COL14A1: variants seen among roughly 807,000 people sequenced by gnomAD.
The protein encoded by COL14A1 is collagen type XIV alpha 1 chain.
Under a neutral mutation model 230.3 loss-of-function variants are expected in COL14A1, and 136 were observed. The ratio of observed to expected loss-of-function variants is 0.59; its 90% CI spans 0.51 to 0.68. The LOEUF is 0.68. COL14A1 is among the 30% of genes least tolerant of loss of function. The probability of loss-of-function intolerance (pLI) is 0.00; values close to 1 mark genes in which losing one functional copy is unlikely to be tolerated. For synonymous variants in COL14A1, 792 were observed against 784.1 expected, an observed-to-expected ratio of 1.01 and a Z score of -0.17; for missense variants, 1,976 against 2,215.8, an observed-to-expected ratio of 0.89 and a Z score of 2.17.
chr8:120,321,456 T>C (rs1021166180), intron 40 of COL14A1, among the ~76,000 whole-genome samples: 2 of 151,678 alleles, frequency 1.3e-5, no homozygotes, highest in African/African-American at 4.8e-5. Context: ...CTGGCCAACA[T>C]GGTGATACCC....
intron 14 of COL14A1, among the ~76,000 whole-genome samples, chr8:120,222,173 A>G (rs1817952607): frequency 6.6e-6 from 1 of 152,202 alleles, no homozygotes; most frequent in African/African-American, 2.4e-5. Flanking sequence ...GGGAGTAATA[A>G]TTAGCTCCCC....
intron 5 of COL14A1, among the ~76,000 whole-genome samples, chr8:120,168,888 C>T (rs1006784962): frequency 1.3e-5 from 2 of 152,084 alleles, no homozygotes; most frequent in African/African-American, 4.8e-5. Flanking sequence ...CAGGATCTCA[C>T]TCTGTCACCC....
intron 45 of COL14A1, among the ~76,000 whole-genome samples, chr8:120,346,399 A>C (rs184961211): frequency 6.6e-6 from 1 of 152,326 alleles, no homozygotes; most frequent in Non-Finnish European, 1.5e-5. Flanking sequence ...AACTCATCAG[A>C]GTATTTTCTA....
chr8:120,341,206 T>C, intron 42 of COL14A1, 119 bp from the exon 43 acceptor site: 1 of 949,100 alleles, frequency 1.1e-6, no homozygotes, highest in Admixed American at 1.9e-5. Flanking sequence ...GTAATGATTT[T>C]TGCTGCAGAA....
intron 5 of COL14A1, among the ~76,000 whole-genome samples, chr8:120,177,333 T>C (rs1816312354): frequency 6.6e-6 from 1 of 152,102 alleles, no homozygotes; most frequent in Non-Finnish European, 1.5e-5. Context: ...TGAACTTTAA[T>C]TATGGAATCA....
chr8:120,175,891 C>T (rs935122229), intron 5 of COL14A1, among the ~76,000 whole-genome samples: 3 of 152,092 alleles, frequency 2.0e-5, no homozygotes, highest in African/African-American at 7.2e-5. Context: ...AGGCTGTACT[C>T]ATAAAAAAAT....
chr8:120,292,245 C>A (rs1398453278), intron 34 of COL14A1, among the ~76,000 whole-genome samples: 2 of 152,110 alleles, frequency 1.3e-5, no homozygotes, highest in African/African-American at 2.4e-5. Flanking sequence ...CCTCAGGTTT[C>A]AGGCCTACTG....
chr8:120,334,585 A>ACACACACACACACAC lies in COL14A1; in HGVS notation c.4785+1850_4785+1851insCACACACACACACAC, dbSNP rs113923173. On this transcript the variant is annotated intron_variant, in intron 42 of 47. Transcript: ENST00000297848. Reference sequence around the variant, plus strand: ...AAAAATGCATGCGTTCACACACAAAAACACACACACACACACACACACACA... The same window carrying ACACACACACACACAC: ...AAAAATGCATGCGTTCACACACAAAACACACACACACACACACACACACACACACACACACACACA... 5.3e-3 allele frequency among the ~76,000 whole-genome samples: 765 copies of ACACACACACACACAC among 144,770 alleles called. 6 individuals are homozygous for ACACACACACACACAC. The highest frequency in any genetic ancestry group is 0.021 in the East Asian group (101 of 4,744). The allele number at this position is 144,770 out of a possible 152,430, so 95.0% of individuals were successfully genotyped here.
intron 42 of COL14A1, among the ~76,000 whole-genome samples, chr8:120,340,508 A>G (rs1314301497): frequency 6.6e-6 from 1 of 152,224 alleles, no homozygotes; most frequent in African/African-American, 2.4e-5. Context: ...AATTCCATTA[A>G]TGAATTCCAT....
Position 120,265,391 on chromosome 8 carries a change from T to C in COL14A1, c.3017-1436T>C, listed in dbSNP as rs533099002. Among the ~76,000 whole-genome samples, 443 of 152,232 alleles carry C rather than the reference T, an allele frequency of 2.9e-3. 4 individuals are homozygous for C. Among genetic ancestry groups the C allele is most frequent in the African/African-American group, 0.01 (423 of 41,556 alleles). ...CATTTTGTGGGGTTTTAAAGAAAGT[T>C]TTGCAATCCTAGTTACAAAAAAAAT... is the stretch of plus-strand genomic sequence containing the variant. On this transcript the variant is annotated intron_variant, in intron 24 of 47. Coordinates refer to ENST00000297848, the MANE Select transcript of COL14A1 (RefSeq NM_021110.4).
intron 36 of COL14A1, among the ~76,000 whole-genome samples, chr8:120,307,147 T>C (rs1820879555): frequency 6.6e-6 from 1 of 152,206 alleles, no homozygotes; most frequent in African/African-American, 2.4e-5. Context: ...CCAAAACTGC[T>C]TAACACAATG....
Position 120,158,220 on chromosome 8 carries a change from A to G in COL14A1, c.179A>G (p.Tyr60Cys). Residue 60 changes from tyrosine to cysteine, a missense_variant, in exon 3 of 48, where the codon TAC (tyrosine) becomes TGC (cysteine). Around this residue, in one of 3 missense-constraint regions of COL14A1, gnomAD observed 181 missense variants for 178.6 expected, o/e 1.01. Transcript: ENST00000297848. ...WKAPRGKFGG[Y>C]KLLVTPTSGG... ...GCTCCAAGAGGGAAATTTGGTGGTTACAAACTTCTTGTGACTCCAACTTCA... is the reference window on the plus strand; with the variant it reads ...GCTCCAAGAGGGAAATTTGGTGGTTGCAAACTTCTTGTGACTCCAACTTCA... The G allele has an allele frequency of 6.2e-7, 1 of 1,604,676 alleles. No individual in the cohort carries two copies. Among genetic ancestry groups the G allele is most frequent in the Middle Eastern group, 1.7e-4 (1 of 6,044 alleles).
chr8:120,193,212 G>A (rs954476266), intron 5 of COL14A1, among the ~76,000 whole-genome samples: 57 of 152,208 alleles, frequency 3.7e-4, no homozygotes, highest in African/African-American at 1.2e-3. Flanking sequence ...GGTGATGTAC[G>A]GATAGGTTTT....
chr8:120,247,123 C>T (rs991298597), intron 20 of COL14A1, among the ~76,000 whole-genome samples: 3 of 152,210 alleles, frequency 2.0e-5, no homozygotes, highest in Middle Eastern at 3.4e-3. Flanking sequence ...CAATTATTTC[C>T]CATATATTTA....
intron 1 of COL14A1, among the ~76,000 whole-genome samples, chr8:120,127,666 C>T (rs1235477398): frequency 6.6e-6 from 1 of 152,184 alleles, no homozygotes; most frequent in Non-Finnish European, 1.5e-5. Flanking sequence ...GGGGAGTCTC[C>T]CTTTCAATCT....
rs776123215 is a variant in COL14A1 at position 120,147,859 on chromosome 8, G to T, written c.17G>T (p.Arg6Leu). The change falls in exon 2 of 48, where the codon CGC (arginine) becomes CTC (leucine). Residue 6 changes from arginine to leucine, a missense_variant. Arg to Leu is a moderately radical substitution (Grantham distance 102). Around this residue, in one of 3 missense-constraint regions of COL14A1, gnomAD observed 181 missense variants for 178.6 expected, o/e 1.01. Transcript: ENST00000297848. The part of the protein sequence containing the change: MKIFQ[R>L]KMRYWLLPPF... ...GAAAATAAAATGAAGATTTTCCAGCGCAAGATGCGGTACTGGTTGCTTCCA... is the reference window on the plus strand; with the variant it reads ...GAAAATAAAATGAAGATTTTCCAGCTCAAGATGCGGTACTGGTTGCTTCCA... 2 of 1,613,426 alleles carry T rather than the reference G, an allele frequency of 1.2e-6. No individual in the cohort carries two copies. Among genetic ancestry groups the T allele is most frequent in the Non-Finnish European group, 1.7e-6 (2 of 1,179,710 alleles).
intron 13 of COL14A1, 85 bp downstream of exon 13, chr8:120,212,662 T>A: frequency 2.7e-6 from 4 of 1,461,616 alleles, no homozygotes; most frequent in Middle Eastern, 1.8e-4. Context: ...ACTAGTTTTG[T>A]TGAAACCTCT....
At chr8:120,268,518 T>C (rs1819565238) in intron 25 of COL14A1, among the ~76,000 whole-genome samples, 1 of 151,672 alleles carries the variant, frequency 6.6e-6, no homozygotes, top group Non-Finnish European at 1.5e-5. Flanking sequence ...GGTTAAGGAT[T>C]GACAAAGTAG....
At chr8:120,263,818 G>A (rs1385935194) in intron 24 of COL14A1, among the ~76,000 whole-genome samples, 3 of 152,058 alleles carry the variant, frequency 2.0e-5, no homozygotes, top group African/African-American at 4.8e-5. Context: ...CAGCCTCTCT[G>A]GCACTTGCAG....
Sources: gnomAD v4.1 joint callset for allele counts (sites outside exome capture counted in the v4.1 genomes callset) on GRCh38, gnomAD v4.1.1 for gene constraint, gnomAD v4.1.1 regional missense constraint, MANE v1.5 for transcripts, NCBI Gene and HGNC (gene_info 2026-07-23, HGNC 2026-07-21) for gene names.